The following NKAIN2 variants were observed in gnomAD, a reference collection of about 807,000 sequenced individuals.
NKAIN2 encodes the protein sodium/potassium-transporting ATPase subunit beta-1-interacting protein 2.
In NKAIN2, 14 loss-of-function variants were observed where a neutral mutation model predicts 32.6. That is an observed-to-expected ratio of 0.43 (90% CI 0.28 to 0.67). The LOEUF is 0.67. Ranked by LOEUF, NKAIN2 falls within the 30% of genes least tolerant of loss-of-function variation. The pLI is 0.17. For missense variants in NKAIN2, 198 were observed against 258.3 expected, an observed-to-expected ratio of 0.77 and a Z score of 1.60; for synonymous variants, 80 against 87.2, an observed-to-expected ratio of 0.92 and a Z score of 0.46.
rs568497412 is a variant in NKAIN2, at chr6:124,374,529, C to G, written c.273+19182C>G. Among the ~76,000 whole-genome samples, 70 of 152,236 alleles carry G rather than the reference C, an allele frequency of 4.6e-4. 1 individual carries two copies. In the South Asian group the frequency reaches 0.014, roughly 31 times the overall value. ...ACTGTTACTGCATCAGCGTCACGCT[C>G]TTTTGAACCAATTAAGGAAATTAGA... On this transcript the variant is annotated intron_variant, in intron 3 of 6. Coordinates refer to ENST00000368417, the MANE Select transcript of NKAIN2 (RefSeq NM_001040214.3).
chr6:123,866,494 G>A (rs1340680851), intron 1 of NKAIN2, among the ~76,000 whole-genome samples: 3 of 151,874 alleles, frequency 2.0e-5, no homozygotes, highest in Non-Finnish European at 4.4e-5. Flanking sequence ...GCGGTGGTGC[G>A]ATCTCGGCTC....
chr6:124,176,534 C>T (rs1789166844), intron 1 of NKAIN2, among the ~76,000 whole-genome samples: 1 of 152,102 alleles, frequency 6.6e-6, no homozygotes, highest in African/African-American at 2.4e-5. Flanking sequence ...TGAAAATAGA[C>T]ATCCATTATG....
At chr6:124,416,649 A>G (rs1029858430) in intron 3 of NKAIN2, among the ~76,000 whole-genome samples, 1 of 152,056 alleles carries the variant, frequency 6.6e-6, no homozygotes, top group African/African-American at 2.4e-5. Flanking sequence ...CAAACAAACA[A>G]ATAATGAAAA....
intron 3 of NKAIN2, among the ~76,000 whole-genome samples, chr6:124,358,265 T>A (rs576781874): frequency 3.4e-4 from 52 of 152,080 alleles, no homozygotes; most frequent in Non-Finnish European, 6.5e-4. Flanking sequence ...TAGCAGCATG[T>A]TTTATAGTCC....
At chr6:124,633,699 C>A (rs767132223) in intron 3 of NKAIN2, among the ~76,000 whole-genome samples, 1 of 152,164 alleles carries the variant, frequency 6.6e-6, no homozygotes, top group Non-Finnish European at 1.5e-5. Flanking sequence ...AAAATGAGAT[C>A]AGGTTTCAAT....
intron 1 of NKAIN2, among the ~76,000 whole-genome samples, chr6:123,892,446 A>G (rs1774064570): frequency 6.6e-6 from 1 of 151,784 alleles, no homozygotes; most frequent in Admixed American, 6.6e-5. Context: ...AGCAGGGGAA[A>G]TGCCAGATGC....
intron 3 of NKAIN2, among the ~76,000 whole-genome samples, chr6:124,364,237 C>CAA (rs1554288849): frequency 0.038 from 1,715 of 45,080 alleles, 40 homozygotes; most frequent in African/African-American, 0.12. Context: ...TTAAAAATAC[C>CAA]AAAAAAAAAA....
chr6:124,644,258 A>G (rs776327440), intron 3 of NKAIN2, among the ~76,000 whole-genome samples: 10 of 152,158 alleles, frequency 6.6e-5, no homozygotes, highest in Admixed American at 1.3e-4. Context: ...TTTTATCACT[A>G]TGCTGATGAG....
At chr6:124,756,305 T>G (rs1304443000) in intron 4 of NKAIN2, among the ~76,000 whole-genome samples, 1 of 152,176 alleles carries the variant, frequency 6.6e-6, no homozygotes, top group Non-Finnish European at 1.5e-5. Context: ...TAAAGAAAGT[T>G]TCCTTCTGCT....
intron 3 of NKAIN2, among the ~76,000 whole-genome samples, chr6:124,471,533 C>T (rs1776973109): frequency 6.6e-6 from 1 of 152,102 alleles, no homozygotes; most frequent in Admixed American, 6.6e-5. Flanking sequence ...TTATTGCACG[C>T]ATTCCATTTC....
intron 2 of NKAIN2, among the ~76,000 whole-genome samples, chr6:124,295,179 T>C (rs1260241541): frequency 1.3e-5 from 2 of 152,202 alleles, no homozygotes; most frequent in South Asian, 2.1e-4. Flanking sequence ...ACATTTACAC[T>C]TAAAGTTACA....
chr6:123,962,863 C>G (rs1157968549), intron 1 of NKAIN2, among the ~76,000 whole-genome samples: 1 of 152,172 alleles, frequency 6.6e-6, no homozygotes, highest in East Asian at 1.9e-4. Flanking sequence ...CTGCCCAGAG[C>G]GAGAGTAAAG....
In NKAIN2 at chr6:124,517,690, A is replaced by G. The variant is rs576859174; in HGVS notation, c.274-140496A>G. On this transcript the variant is annotated intron_variant, in intron 3 of 6. Transcript: ENST00000368417. Reference sequence around the variant, plus strand: ...TTATAACCGTAAACTTCTATGTTAAATTTTTTTCTGCAGAAGAAAATAATC... The same window carrying G: ...TTATAACCGTAAACTTCTATGTTAAGTTTTTTTCTGCAGAAGAAAATAATC... Among the ~76,000 whole-genome samples the G allele has an allele frequency of 2.5e-3, 386 of 152,242 alleles. 1 individual carries two copies. The highest frequency in any genetic ancestry group is 4.6e-3 in the Non-Finnish European group (316 of 68,010).
In NKAIN2 at chr6:124,141,044, A is replaced by G. The variant is rs373910347; in HGVS notation, c.55-141961A>G. On this transcript the variant is annotated intron_variant, in intron 1 of 6. Coordinates refer to ENST00000368417, the MANE Select transcript of NKAIN2 (RefSeq NM_001040214.3). ...GACAAAACTTGTAATGATTACTACC[A>G]TATGAGATTGCTGTCAATGTTGCAT... Among the ~76,000 whole-genome samples the G allele has an allele frequency of 2.0e-5, 3 of 152,238 alleles. No homozygotes were observed. In the South Asian group the frequency reaches 6.2e-4, roughly 32 times the overall value.
At chr6:124,014,318 A>C (rs1291796603) in intron 1 of NKAIN2, among the ~76,000 whole-genome samples, 2 of 152,204 alleles carry the variant, frequency 1.3e-5, no homozygotes, top group African/African-American at 2.4e-5. Context: ...TTTTTAACAA[A>C]ACAAAAATAA....
At chr6:124,284,365 A>G (rs1388364021) in intron 2 of NKAIN2, among the ~76,000 whole-genome samples, 1 of 152,168 alleles carries the variant, frequency 6.6e-6, no homozygotes, top group African/African-American at 2.4e-5. Context: ...GATCTGCCAA[A>G]TTCTGTGTGA....
At chr6:124,178,381 T>G (rs1277758252) in intron 1 of NKAIN2, among the ~76,000 whole-genome samples, 1 of 151,310 alleles carries the variant, frequency 6.6e-6, no homozygotes, top group African/African-American at 2.4e-5. Context: ...CACTGCAAGC[T>G]CCGCCTCCTG....
chr6:124,006,420 C>T (rs1038958696), intron 1 of NKAIN2, among the ~76,000 whole-genome samples: 4 of 151,992 alleles, frequency 2.6e-5, no homozygotes, highest in African/African-American at 9.7e-5. Context: ...AGGATAAGGG[C>T]GAGATGCATT....
chr6:124,169,298 G>T (rs1034431235), intron 1 of NKAIN2, among the ~76,000 whole-genome samples: 1 of 151,892 alleles, frequency 6.6e-6, no homozygotes, highest in African/African-American at 2.4e-5. Context: ...TGAGAAATTT[G>T]CATTTGATAA....
Sources: allele counts gnomAD v4.1 joint callset (sites outside exome capture counted in the v4.1 genomes callset), GRCh38; gene constraint gnomAD v4.1.1; transcripts MANE v1.5; gene names NCBI Gene and HGNC (gene_info 2026-07-23, HGNC 2026-07-21).